Variants in PTK2B observed in about 807,000 individuals in gnomAD.
The protein encoded by PTK2B is protein-tyrosine kinase 2-beta.
Under a neutral mutation model 142.9 loss-of-function variants are expected in PTK2B, and 71 were observed. The observed-to-expected ratio is 0.50, with a 90% CI of 0.41 to 0.61. The LOEUF is 0.61. PTK2B is among the 20% of genes least tolerant of loss of function. The pLI, the probability that PTK2B is intolerant of heterozygous loss-of-function variation, is 0.00. For missense variants in PTK2B, 1,105 were observed against 1,320.4 expected, an observed-to-expected ratio of 0.84 and a Z score of 2.53; for synonymous variants, 519 against 503.4, an observed-to-expected ratio of 1.03 and a Z score of -0.42.
intron 2 of PTK2B, among the ~76,000 whole-genome samples, chr8:27,406,593 T>C (rs3779632): frequency 0.83 from 126,937 of 152,148 alleles, 53,543 homozygotes; most frequent in Middle Eastern, 0.95. Flanking sequence ...TCCTGGAAGT[T>C]GGCAGCGGGA....
At position 27,397,786 on chromosome 8, in the gene PTK2B, C is replaced by A; in HGVS notation, c.202C>A (p.Arg68=). The part of the protein sequence containing the change: ...LVKCTVQTEI[R]EIITSILLSG... ...CAAATGCACTGTCCAGACGGAGATC[C>A]GGGTAAGTGTGAAGTGTCTGCCCTG... The change falls in exon 2 of 31, where the codon CGG becomes AGG. Residue 68 remains arginine, a splice_region_variant and synonymous_variant. Coordinates refer to ENST00000346049, the MANE Select transcript of PTK2B (RefSeq NM_173176.3). 6.2e-7 allele frequency: 1 copy of A among 1,613,996 alleles called. No homozygotes were observed. The highest frequency in any genetic ancestry group is 1.1e-5 in the South Asian group (1 of 91,072).
intron 1 of PTK2B, among the ~76,000 whole-genome samples, chr8:27,389,553 A>AC (rs942245039): frequency 2.4e-4 from 37 of 151,852 alleles, no homozygotes; most frequent in East Asian, 2.1e-3. Context: ...GCCCCGCAAG[A>AC]CCCCCCCAAG....
intron 5 of PTK2B, among the ~76,000 whole-genome samples, chr8:27,426,442 T>C (rs1032085947): frequency 3.3e-5 from 5 of 152,178 alleles, no homozygotes; most frequent in Non-Finnish European, 5.9e-5. Flanking sequence ...CCAGGCATAT[T>C]TGGGAGACGT....
At chr8:27,318,523 C>T (rs1246942853) in intron 3 of PTK2B, among the ~76,000 whole-genome samples, 3 of 152,182 alleles carry the variant, frequency 2.0e-5, no homozygotes, top group Non-Finnish European at 4.4e-5. Context: ...TAGGAGCAGC[C>T]TGCAGGCCAG....
chr8:27,427,127 G>A (rs926095438), intron 5 of PTK2B, among the ~76,000 whole-genome samples: 16 of 152,114 alleles, frequency 1.1e-4, no homozygotes, highest in South Asian at 2.1e-4. Flanking sequence ...CCTTTTCAGC[G>A]TAGTAAACTC....
chr8:27,452,985 G>T (rs1262281573), intron 27 of PTK2B, 129 bp from the exon 28 acceptor site: 1 of 1,121,854 alleles, frequency 8.9e-7, no homozygotes, highest in African/African-American at 1.6e-5. Flanking sequence ...CCGCTTCCTG[G>T]ATTCAGAGTT....
rs760887012 is a variant in PTK2B, at chr8:27,422,201, T to A, written c.472-103T>A. 92 of 1,113,162 alleles carry A rather than the reference T, an allele frequency of 8.3e-5. 1 individual carries two copies. Among genetic ancestry groups the A allele is most frequent in the Non-Finnish European group, 1.1e-4 (84 of 788,634 alleles). The allele number at this position is 1,113,162 out of a possible 1,614,324, so 69.0% of individuals were successfully genotyped here. A position where few individuals can be genotyped will look rare whatever the true frequency, so the allele number is the denominator to read the frequency against. On this transcript the variant is annotated intron_variant, in intron 4 of 30. Transcript: ENST00000346049. ...TTGTTTGTGGTGGGGTGGGTGGCTGTCACTCAGGGAGGCAGAATGAGGCCC... is the reference window on the plus strand; with the variant it reads ...TTGTTTGTGGTGGGGTGGGTGGCTGACACTCAGGGAGGCAGAATGAGGCCC...
upstream of PTK2B, among the ~76,000 whole-genome samples, chr8:27,321,482 T>C (rs558253457): frequency 1.6e-4 from 24 of 152,316 alleles, no homozygotes; most frequent in Middle Eastern, 3.4e-3. Context: ...AAAGTTAAAC[T>C]AGGTTCAGAC....
chr8:27,431,369 A>T (rs1563280989), intron 8 of PTK2B, 29 bp from the exon 9 acceptor site: 7 of 1,614,138 alleles, frequency 4.3e-6, no homozygotes, highest in Non-Finnish European at 5.9e-6. Context: ...ACAGCTCTGG[A>T]ACAACAGTCC....
intron 23 of PTK2B, among the ~76,000 whole-genome samples, chr8:27,444,831 C>G (rs542305037): frequency 1.3e-5 from 2 of 152,274 alleles, no homozygotes; most frequent in South Asian, 4.1e-4. Flanking sequence ...TCTTGCATCC[C>G]CCAGCTCAGA....
chr8:27,439,440 C>T (rs1198118436), intron 20 of PTK2B, 42 bp downstream of exon 20: 1 of 1,567,992 alleles, frequency 6.4e-7, no homozygotes. Flanking sequence ...TGTTCAGATT[C>T]TCACTTCTGA....
intron 1 of PTK2B, among the ~76,000 whole-genome samples, chr8:27,349,414 C>T (rs573494753): frequency 1.9e-4 from 29 of 152,182 alleles, no homozygotes; most frequent in Non-Finnish European, 2.8e-4. Flanking sequence ...TCAGAGAACC[C>T]GTTAAATATC....
chr8:27,317,225 C>T (rs1473737080), intron 3 of PTK2B, among the ~76,000 whole-genome samples: 1 of 152,178 alleles, frequency 6.6e-6, no homozygotes, highest in Non-Finnish European at 1.5e-5. Flanking sequence ...AGAACTGGGT[C>T]ACATGTTCAC....
At position 27,406,453 on chromosome 8, in the gene PTK2B, T is replaced by C. The variant is rs575553443; in HGVS notation, c.204+8665T>C. The stretch of plus-strand genomic sequence containing the variant: ...GCACACACAGACCAGTGTACCCAGA[T>C]GTACAGCAGTGAGTGGGCCTTTTGT... On this transcript the variant is annotated intron_variant, in intron 2 of 30. Transcript: ENST00000346049. Among the ~76,000 whole-genome samples, 169 of 152,314 alleles carry C rather than the reference T, an allele frequency of 1.1e-3. 2 individuals carry two copies. The Middle Eastern group carries it at 0.02, about 18-fold the overall frequency.
intron 24 of PTK2B, among the ~76,000 whole-genome samples, chr8:27,449,362 C>T (rs563888169): frequency 3.3e-5 from 5 of 152,304 alleles, no homozygotes; most frequent in African/African-American, 1.2e-4. Flanking sequence ...GTAATTGAAG[C>T]TCAGTGTGCA....
At chr8:27,311,509 G>C (rs1284368278) in exon 1 of PTK2B, 2 of 522,204 alleles carry the variant, frequency 3.8e-6, no homozygotes, top group East Asian at 3.4e-5. Context: ...AGGTCCGGGC[G>C]GGTCCCTGGC....
intron 20 of PTK2B, among the ~76,000 whole-genome samples, chr8:27,439,737 A>G (rs981970705): frequency 1.3e-5 from 2 of 152,182 alleles, no homozygotes; most frequent in Admixed American, 1.3e-4. Flanking sequence ...AGGCAGGTGT[A>G]GAGAGACAGC....
rs1586360682 is a variant in PTK2B at position 27,451,747 on chromosome 8, C to T, written c.2548+238C>T. ...TCTCTCAGTGGCCACATCCTTAGGC[C>T]CCTCCTCAGATCATCCCCCTCCTGC... On this transcript the variant is annotated intron_variant, in intron 27 of 30. Transcript: ENST00000346049. The T allele has an allele frequency of 2.2e-6, 3 of 1,383,738 alleles. No individual in the cohort carries two copies. The East Asian group carries it at 8.6e-5, about 40-fold the overall frequency. The allele number at this position is 1,383,738 out of a possible 1,614,324, so 85.7% of individuals were successfully genotyped here.
Position 27,430,409 on chromosome 8 carries a change from G to T in PTK2B, c.660G>T (p.Glu220Asp), listed in dbSNP as rs201588000. The change falls in exon 7 of 31, where the codon GAG (glutamate) becomes GAT (aspartate). Residue 220 changes from glutamate to aspartate, a missense_variant. Glu to Asp is a conservative substitution (Grantham distance 45, BLOSUM62 2). Transcript: ENST00000346049. ...LDLFFPKQMQ[E>D]NLKPKQFRKM... ...TGTTTTTCCCAAAGCAGATGCAGGA[G>T]AACTTAAAGGTGAGGAAACCAATGG... The T allele has an allele frequency of 1.2e-6, 2 of 1,614,196 alleles. No individual in the cohort carries two copies. Among genetic ancestry groups the T allele is most frequent in the East Asian group, 4.5e-5 (2 of 44,880 alleles).
Sources: allele counts gnomAD v4.1 joint callset (sites outside exome capture counted in the v4.1 genomes callset), GRCh38; gene constraint gnomAD v4.1.1; transcripts MANE v1.5; gene names NCBI Gene and HGNC (gene_info 2026-07-23, HGNC 2026-07-21).